Variants in ELMO1 observed in about 807,000 individuals in gnomAD.
ELMO1 encodes engulfment and cell motility 1.
In ELMO1, 26 loss-of-function variants were observed where a neutral mutation model predicts 98.9. That is an observed-to-expected ratio of 0.26 (90% CI 0.19 to 0.36). ELMO1 has a LOEUF of 0.36. Among genes scored for constraint, ELMO1 ranks in the 10% least tolerant of loss-of-function variants. The probability of loss-of-function intolerance (pLI) is 1.00; values close to 1 mark genes in which losing one functional copy is unlikely to be tolerated. For missense variants in ELMO1, 627 were observed against 935.2 expected (o/e 0.67, Z 4.30); for synonymous variants, 346 against 346.0 (o/e 1.00, Z 0.00).
chr7:36,991,349 C>T (rs2129152468), intron 16 of ELMO1, among the ~76,000 whole-genome samples: 1 of 152,340 alleles, frequency 6.6e-6, no homozygotes, highest in Non-Finnish European at 1.5e-5. Context: ...CAGACCATAT[C>T]TCCCAAGGAT....
chr7:37,214,149 C>A (rs531665369), intron 11 of ELMO1, among the ~76,000 whole-genome samples: 1 of 152,310 alleles, frequency 6.6e-6, no homozygotes, highest in East Asian at 1.9e-4. Flanking sequence ...AATCCCCTCA[C>A]CCCTGCCCAG....
Position 36,980,301 on chromosome 7 carries a change from T to C in ELMO1, c.1437+32998A>G, listed in dbSNP as rs560702709. Among the ~76,000 whole-genome samples the C allele has an allele frequency of 4.6e-5, 7 of 152,338 alleles. 1 individual carries two copies. The highest frequency in any genetic ancestry group is 7.2e-5 in the African/African-American group (3 of 41,568). ...AGTTTCAGCTGTAAGACAATTCTGA[T>C]ATCTCACTAGCGGTTGACTTAGTGC... On this transcript the variant is annotated intron_variant, in intron 16 of 21. Coordinates refer to ENST00000310758, the MANE Select transcript of ELMO1 (RefSeq NM_014800.11).
intron 4 of ELMO1, among the ~76,000 whole-genome samples, chr7:37,312,205 G>A (rs958871378): frequency 2.0e-5 from 3 of 152,138 alleles, no homozygotes; most frequent in African/African-American, 4.8e-5. Flanking sequence ...TGATACTCCT[G>A]CCTCAGCCTC....
At chr7:37,127,840 T>G (rs1786635157) in intron 14 of ELMO1, among the ~76,000 whole-genome samples, 1 of 152,168 alleles carries the variant, frequency 6.6e-6, no homozygotes, top group African/African-American at 2.4e-5. Flanking sequence ...TCAGCCAAGC[T>G]AAAACCAGGT....
chr7:37,319,839 G>A (rs928379769), intron 2 of ELMO1, among the ~76,000 whole-genome samples: 3 of 151,928 alleles, frequency 2.0e-5, no homozygotes, highest in Non-Finnish European at 4.4e-5. Context: ...CCATCACCAG[G>A]TCCCTGCAGA....
intron 13 of ELMO1, among the ~76,000 whole-genome samples, chr7:37,153,798 C>A (rs1375552346): frequency 6.6e-6 from 1 of 152,158 alleles, no homozygotes; most frequent in Admixed American, 6.5e-5. Context: ...CTGAAGAGAG[C>A]AGTGGTTCTC....
At chr7:37,258,566 C>T (rs1045879162) in intron 6 of ELMO1, among the ~76,000 whole-genome samples, 1 of 152,168 alleles carries the variant, frequency 6.6e-6, no homozygotes, top group Non-Finnish European at 1.5e-5. Flanking sequence ...GGAAGGCAAG[C>T]TCGTAAGAAA....
intron 14 of ELMO1, among the ~76,000 whole-genome samples, chr7:37,121,592 A>C (rs1408559621): frequency 6.6e-6 from 1 of 152,212 alleles, no homozygotes; most frequent in Non-Finnish European, 1.5e-5. Context: ...AATAAAAAGA[A>C]ATGAACAAAG....
At chr7:37,248,408 G>C (rs1363407425) in intron 6 of ELMO1, among the ~76,000 whole-genome samples, 1 of 152,088 alleles carries the variant, frequency 6.6e-6, no homozygotes, top group African/African-American at 2.4e-5. Context: ...CAGAGTGAAG[G>C]ACAAAGACGC....
chr7:37,315,930 C>T lies in ELMO1; in HGVS notation c.109G>A (p.Val37Ile), dbSNP rs148906394. 1.5e-3 allele frequency: 2,414 copies of T among 1,602,670 alleles called. 3 individuals are homozygous for T. Among genetic ancestry groups the T allele is most frequent in the Non-Finnish European group, 1.9e-3 (2,244 of 1,177,052 alleles). Reference sequence around the variant, plus strand: ...CTGAGTAACACTTACCCATCACAGACTTCCTTTATTATTGCAGACAGTGGT... The same window carrying T: ...CTGAGTAACACTTACCCATCACAGATTTCCTTTATTATTGCAGACAGTGGT... ...KKPLSAIIKE[V>I]CDGWSLANHE... The change falls in exon 3 of 22, where the codon GTC (valine) becomes ATC (isoleucine). Residue 37 changes from valine (V) to isoleucine (I), a missense_variant. Around this residue, in one of 3 missense-constraint regions of ELMO1, gnomAD observed 123 missense variants for 171.2 expected, o/e 0.72. Transcript: ENST00000310758.
chr7:37,344,267 G>A (rs2131268315), intron 1 of ELMO1, among the ~76,000 whole-genome samples: 1 of 152,236 alleles, frequency 6.6e-6, no homozygotes, highest in Non-Finnish European at 1.5e-5. Flanking sequence ...CCTGACCTCA[G>A]GTGATCTGCC....
chr7:37,447,554 C>T (rs1475586437), intron 1 of ELMO1, among the ~76,000 whole-genome samples: 1 of 151,866 alleles, frequency 6.6e-6, no homozygotes, highest in Non-Finnish European at 1.5e-5. Flanking sequence ...AAATGGCCCC[C>T]TAGGCGGGAG....
intron 1 of ELMO1, among the ~76,000 whole-genome samples, chr7:37,437,979 C>CAAAAAAAAAAAAAAA (rs57418239): frequency 6.6e-4 from 12 of 18,054 alleles, no homozygotes; most frequent in African/African-American, 1.4e-3. Context: ...GACTCCGTCT[C>CAAAAAAAAAAAAAAA]AAAAAAAAAA....
intron 1 of ELMO1, among the ~76,000 whole-genome samples, chr7:37,394,590 A>C (rs1247862189): frequency 2.6e-5 from 4 of 152,230 alleles, no homozygotes; most frequent in Non-Finnish European, 4.4e-5. Context: ...TGAGGAGACA[A>C]TGGAAGTGTC....
chr7:37,074,723 A>G (rs1464228148), intron 15 of ELMO1, among the ~76,000 whole-genome samples: 1 of 152,230 alleles, frequency 6.6e-6, no homozygotes. Flanking sequence ...ATATTAGACC[A>G]GAAGCAGCTA....
intron 1 of ELMO1, among the ~76,000 whole-genome samples, chr7:37,385,898 G>A (rs1197215877): frequency 6.6e-6 from 1 of 152,236 alleles, no homozygotes; most frequent in Non-Finnish European, 1.5e-5. Flanking sequence ...AGCTTCCGGA[G>A]ATGCCAATTC....
intron 16 of ELMO1, among the ~76,000 whole-genome samples, chr7:36,895,277 C>T (rs1403949831): frequency 6.6e-5 from 10 of 152,186 alleles, no homozygotes; most frequent in Non-Finnish European, 1.0e-4. Flanking sequence ...GGGAGGTGTA[C>T]TCCACTTGCT....
At chr7:36,995,013 C>T (rs1792106359) in intron 16 of ELMO1, among the ~76,000 whole-genome samples, 2 of 152,154 alleles carry the variant, frequency 1.3e-5, no homozygotes, top group African/African-American at 4.8e-5. Flanking sequence ...TCAGACCACA[C>T]CTGGAGCTTG....
At chr7:37,290,874 GAGA>G (rs1562586226) in intron 4 of ELMO1, among the ~76,000 whole-genome samples, 2 of 151,828 alleles carry the variant, frequency 1.3e-5, no homozygotes, top group African/African-American at 2.4e-5. Context: ...GATGATGACA[GAGA>G]AGAAGAGGAA....
Sources: allele counts gnomAD v4.1 joint callset (sites outside exome capture counted in the v4.1 genomes callset), GRCh38; gene constraint gnomAD v4.1.1; regional missense constraint gnomAD v4.1.1; transcripts MANE v1.5; gene names NCBI Gene and HGNC (gene_info 2026-07-23, HGNC 2026-07-21).